Variants in POFUT1 observed in about 807,000 individuals in gnomAD.
POFUT1 encodes GDP-fucose protein O-fucosyltransferase 1.
Under a neutral mutation model 42.4 loss-of-function variants are expected in POFUT1, and 16 were observed. The observed-to-expected ratio is 0.38, with a 90% CI of 0.26 to 0.57. The LOEUF is 0.57. Among genes scored for constraint, POFUT1 ranks in the 20% least tolerant of loss-of-function variants. The probability of loss-of-function intolerance (pLI) is 0.71; values close to 1 mark genes in which losing one functional copy is unlikely to be tolerated. For missense variants in POFUT1, 470 were observed against 504.6 expected, an observed-to-expected ratio of 0.93 and a Z score of 0.66; for synonymous variants, 206 against 205.4, an observed-to-expected ratio of 1.00 and a Z score of -0.03.
intron 4 of POFUT1, among the ~76,000 whole-genome samples, chr20:32,220,321 G>T (rs1036721886): frequency 2.6e-5 from 4 of 152,154 alleles, no homozygotes; most frequent in Non-Finnish European, 5.9e-5. Flanking sequence ...AGATGGGTGG[G>T]GATCATGCTC....
chr20:32,213,713 G>T (rs1242080961), intron 2 of POFUT1, among the ~76,000 whole-genome samples: 1 of 152,088 alleles, frequency 6.6e-6, no homozygotes, highest in African/African-American at 2.4e-5. Flanking sequence ...GGAGGTTGCA[G>T]TGAGCTGAGA....
rs1419972861 is a variant in POFUT1, at chr20:32,238,262, T to C, written c.*3601T>C. ...AAAAAATAATAATAATAGCCAGGCGTGGTGGCACATGCCTGTATTCCCAGC... is the reference window on the plus strand; with the variant it reads ...AAAAAATAATAATAATAGCCAGGCGCGGTGGCACATGCCTGTATTCCCAGC... On this transcript the variant is annotated 3_prime_UTR_variant, in exon 7 of 7. Coordinates refer to ENST00000375749, the MANE Select transcript of POFUT1 (RefSeq NM_015352.2). The C allele has an allele frequency of 3.6e-5, 6 of 167,930 alleles. No individual in the cohort carries two copies. The East Asian group carries it at 8.1e-4, about 23-fold the overall frequency. 10.4% of individuals were successfully genotyped at this position (167,930 alleles called of 1,614,324 possible). A position where few individuals can be genotyped will look rare whatever the true frequency, so the allele number is the denominator to read the frequency against.
chr20:32,226,455 T>C (rs1440334796), intron 4 of POFUT1, among the ~76,000 whole-genome samples: 3 of 145,936 alleles, frequency 2.1e-5, no homozygotes, highest in Non-Finnish European at 4.6e-5. Flanking sequence ...TGCATGCCTG[T>C]GTGTGTGTGT....
intron 5 of POFUT1, 36 bp from the exon 6 acceptor site, chr20:32,230,783 T>C: frequency 6.2e-7 from 1 of 1,602,832 alleles, no homozygotes; most frequent in Non-Finnish European, 8.5e-7. Context: ...TCCAGGGCAG[T>C]TGCCAGTATT....
At chr20:32,230,750 T>C (rs970520329) in intron 5 of POFUT1, 69 bp from the exon 6 acceptor site, 22 of 1,566,062 alleles carry the variant, frequency 1.4e-5, no homozygotes, top group African/African-American at 1.1e-4. Flanking sequence ...CTTTTTCCAC[T>C]TACCAGGTCT....
intron 4 of POFUT1, among the ~76,000 whole-genome samples, chr20:32,227,714 T>G (rs2047421860): frequency 6.6e-6 from 1 of 152,150 alleles, no homozygotes; most frequent in Non-Finnish European, 1.5e-5. Context: ...AGACCCCTGC[T>G]CCCTTCCATA....
At chr20:32,216,917 G>A (rs1010139844) in intron 4 of POFUT1, 196 bp downstream of exon 4, 9 of 1,578,662 alleles carry the variant, frequency 5.7e-6, no homozygotes, top group Admixed American at 5.3e-5. Context: ...ACATTGACCC[G>A]CCATGAGATT....
In POFUT1 at chr20:32,231,008, G is replaced by A; in HGVS notation, c.925G>A (p.Ala309Thr). 2 of 1,614,222 alleles carry A rather than the reference G, an allele frequency of 1.2e-6. No homozygotes were observed. Among genetic ancestry groups the A allele is most frequent in the South Asian group, 2.2e-5 (2 of 91,090 alleles). Residue 309 changes from alanine to threonine, a missense_variant, in exon 6 of 7, where the codon GCT becomes ACT. By Grantham distance (58) the Ala-to-Thr change is moderately conservative. Coordinates refer to ENST00000375749, the MANE Select transcript of POFUT1 (RefSeq NM_015352.2). ...GCTGGATGCCCAGTCGGTCTACGTT[G>A]CTACTGATTCCGAGAGTTATGTGCC... ...RSLDAQSVYV[A>T]TDSESYVPEL... is the part of the protein sequence containing the mutation.
chr20:32,233,602 C>T (rs2047454340), intron 6 of POFUT1, among the ~76,000 whole-genome samples: 1 of 152,030 alleles, frequency 6.6e-6, no homozygotes. Context: ...GTGAGCAGAC[C>T]AGGAGAGGCA....
At chr20:32,224,357 A>G (rs1240346079) in intron 4 of POFUT1, among the ~76,000 whole-genome samples, 2 of 152,020 alleles carry the variant, frequency 1.3e-5, no homozygotes, top group Non-Finnish European at 2.9e-5. Flanking sequence ...ACGCCGCTGC[A>G]CTCCAGCCTG....
intron 6 of POFUT1, among the ~76,000 whole-genome samples, chr20:32,232,663 C>G (rs1387307062): frequency 6.6e-6 from 1 of 152,062 alleles, no homozygotes; most frequent in African/African-American, 2.4e-5. Context: ...CCACATTCCC[C>G]CCACCTACCT....
rs1225915452 is a variant in POFUT1, at chr20:32,234,405, G to T, written c.979-68G>T. On this transcript the variant is annotated intron_variant, in intron 6 of 6. Transcript: ENST00000375749. ...TAACTGCAGCTCAGGGAATAAGGTT[G>T]GGGGTGTGGATGGCAGGCCTTGGCC... 5.1e-6 allele frequency: 7 copies of T among 1,363,656 alleles called. No homozygotes were observed. The African/African-American group carries it at 8.7e-5, about 17-fold the overall frequency. The allele number at this position is 1,363,656 out of a possible 1,614,324, so 84.5% of individuals were successfully genotyped here. A position where few individuals can be genotyped will look rare whatever the true frequency, so the allele number is the denominator to read the frequency against.
chr20:32,219,508 G>GTTTT (rs11478934), intron 4 of POFUT1, among the ~76,000 whole-genome samples: 3 of 112,358 alleles, frequency 2.7e-5, no homozygotes, highest in African/African-American at 3.2e-5. Flanking sequence ...ATAACAACAA[G>GTTTT]TTTTTTTTTT....
In POFUT1 at chr20:32,215,491, A is replaced by G. The variant is rs200952513; in HGVS notation, c.429+40A>G. 236 of 1,555,362 alleles carry G rather than the reference A, an allele frequency of 1.5e-4. 1 individual carries two copies. In the African/African-American group the frequency reaches 2.2e-3, roughly 14 times the overall value. On this transcript the variant is annotated intron_variant, in intron 3 of 6. Coordinates refer to ENST00000375749, the MANE Select transcript of POFUT1 (RefSeq NM_015352.2). ...TTCGGGGGCCCTTTCTTCCTGTTCC[A>G]TGTCCTCTAGGCCCCCAAGACTATG...
chr20:32,223,284 C>G, intron 4 of POFUT1: 1 of 985,410 alleles, frequency 1.0e-6, no homozygotes, highest in African/African-American at 1.7e-5. Flanking sequence ...CAGCCAAGAT[C>G]CCTGTTCCCC....
At chr20:32,229,290 A>G (rs2047430440) in intron 5 of POFUT1, among the ~76,000 whole-genome samples, 1 of 152,256 alleles carries the variant, frequency 6.6e-6, no homozygotes, top group African/African-American at 2.4e-5. Flanking sequence ...CTTGCTTATG[A>G]ACACAAATGC....
intron 6 of POFUT1, 73 bp downstream of exon 6, chr20:32,231,134 T>C: frequency 3.9e-6 from 6 of 1,534,166 alleles, no homozygotes; most frequent in Non-Finnish European, 5.4e-6. Context: ...CACTGCCCAC[T>C]GCATGCTTCA....
intron 3 of POFUT1, 30 bp downstream of exon 3, chr20:32,215,481 T>G: frequency 6.3e-7 from 1 of 1,581,796 alleles, no homozygotes; most frequent in Non-Finnish European, 8.6e-7. Flanking sequence ...GGGCCCTTTC[T>G]TCCTGTTCCA....
Position 32,238,584 on chromosome 20 carries a change from C to T in POFUT1, c.*3923C>T, listed in dbSNP as rs147306647. 2 of 151,002 alleles carry T rather than the reference C, an allele frequency of 1.3e-5. No homozygotes were observed. The highest frequency in any genetic ancestry group is 3.9e-4 in the East Asian group (2 of 5,182). The allele number at this position is 151,002 out of a possible 1,614,324, so 9.4% of individuals were successfully genotyped here. A position where few individuals can be genotyped will look rare whatever the true frequency, so the allele number is the denominator to read the frequency against. ...AATTTGTTAGATCAAACACTTAAAACTTTTTGTTATGGAAGAATTCAAATA... is the reference window on the plus strand; with the variant it reads ...AATTTGTTAGATCAAACACTTAAAATTTTTTGTTATGGAAGAATTCAAATA... On this transcript the variant is annotated 3_prime_UTR_variant, in exon 7 of 7. Coordinates refer to ENST00000375749, the MANE Select transcript of POFUT1 (RefSeq NM_015352.2).
Sources: allele counts gnomAD v4.1 joint callset (sites outside exome capture counted in the v4.1 genomes callset), GRCh38; gene constraint gnomAD v4.1.1; transcripts MANE v1.5; gene names NCBI Gene and HGNC (gene_info 2026-07-23, HGNC 2026-07-21).